Variants in SUGT1 observed in about 807,000 individuals in gnomAD.
The protein encoded by SUGT1 is protein SGT1 homolog.
A neutral mutation model predicts 56.1 loss-of-function variants in SUGT1; 15 were observed. The ratio of observed to expected loss-of-function variants is 0.27; its 90% CI spans 0.18 to 0.41. The LOEUF (loss-of-function observed/expected upper bound fraction) is 0.41, where lower values mean the gene tolerates loss of function less well. Ranked by LOEUF, SUGT1 falls within the 10% of genes least tolerant of loss-of-function variation. SUGT1 has a pLI of 1.00. For missense variants in SUGT1, 347 were observed against 382.2 expected (o/e 0.91, Z 0.77); for synonymous variants, 123 against 128.6 (o/e 0.96, Z 0.30).
intron 11 of SUGT1, among the ~76,000 whole-genome samples, chr13:52,679,700 C>T (rs1267982962): frequency 6.6e-6 from 1 of 152,116 alleles, no homozygotes; most frequent in Non-Finnish European, 1.5e-5. Flanking sequence ...TGCTTTTAAT[C>T]TAATTTTGTA....
At chr13:52,653,215 T>C in intron 2 of SUGT1, 112 bp downstream of exon 2, 1 of 1,289,042 alleles carries the variant, frequency 7.8e-7, no homozygotes, top group East Asian at 2.3e-5. Context: ...CAGGCTCTTG[T>C]TGATGCTGCG....
chr13:52,660,159 AC>A (rs1183800705), intron 5 of SUGT1, among the ~76,000 whole-genome samples: 1 of 152,090 alleles, frequency 6.6e-6, no homozygotes, highest in Non-Finnish European at 1.5e-5. Flanking sequence ...TCTGAAAAAT[AC>A]TAAGAGGTTG....
chr13:52,683,966 A>C (rs1963472432), intron 12 of SUGT1, among the ~76,000 whole-genome samples: 1 of 152,130 alleles, frequency 6.6e-6, no homozygotes, highest in African/African-American at 2.4e-5. Flanking sequence ...CTGCAGCCTC[A>C]ACTTCCCAGG....
intron 12 of SUGT1, chr13:52,687,378 A>AT (rs35928701): frequency 0.55 from 84,696 of 153,186 alleles, 23,709 homozygotes; most frequent in East Asian, 0.75. Flanking sequence ...TATAATAATC[A>AT]TTTTTTTTGG....
intron 2 of SUGT1, among the ~76,000 whole-genome samples, chr13:52,653,645 A>G (rs1186556964): frequency 4.6e-5 from 7 of 152,282 alleles, no homozygotes; most frequent in Middle Eastern, 3.4e-3. Flanking sequence ...GCTGTGGGTT[A>G]AAGTCTTGGT....
chr13:52,672,252 G>C (rs1962974668), intron 10 of SUGT1, among the ~76,000 whole-genome samples: 2 of 152,072 alleles, frequency 1.3e-5, no homozygotes, highest in Admixed American at 1.3e-4. Flanking sequence ...CTGATACATA[G>C]GTCAGTCACT....
In SUGT1 at chr13:52,697,404, G is replaced by A. The variant is rs1157138377; in HGVS notation, c.*9569G>A. On this transcript the variant is annotated 3_prime_UTR_variant, in exon 13 of 13. Transcript: ENST00000310528. ...TTCATACAAAATTATGAGCCCAAAT[G>A]TCTTGGGGAGAGTACAGGAGAGGCC... 1 of 152,232 alleles carries A rather than the reference G, an allele frequency of 6.6e-6. No individual in the cohort carries two copies. The highest frequency in any genetic ancestry group is 1.5e-5 in the Non-Finnish European group (1 of 68,060). The allele number at this position is 152,232 out of a possible 1,614,324, so 9.4% of individuals were successfully genotyped here.
Position 52,687,896 on chromosome 13 carries a change from A to G in SUGT1, c.*61A>G. On this transcript the variant is annotated 3_prime_UTR_variant, in exon 13 of 13. Coordinates refer to ENST00000310528, the MANE Select transcript of SUGT1 (RefSeq NM_006704.5). ...CACCTAATGCCCATTGTGTATTGAT[A>G]TTGCATTCTTGAATTTTGAACACTG... The G allele has an allele frequency of 9.2e-7, 1 of 1,086,386 alleles. No homozygotes were observed. Among genetic ancestry groups the G allele is most frequent in the South Asian group, 1.9e-5 (1 of 53,812 alleles). 67.3% of individuals were successfully genotyped at this position (1,086,386 alleles called of 1,614,324 possible). A position where few individuals can be genotyped will look rare whatever the true frequency, so the allele number is the denominator to read the frequency against.
Position 52,659,175 on chromosome 13 carries a change from G to A in SUGT1, c.258-4G>A. The A allele has an allele frequency of 1.7e-5, 25 of 1,510,370 alleles. No individual in the cohort carries two copies. Among genetic ancestry groups the A allele is most frequent in the Non-Finnish European group, 2.2e-5 (25 of 1,136,028 alleles). The allele number at this position is 1,510,370 out of a possible 1,614,324, so 93.6% of individuals were successfully genotyped here. A position where few individuals can be genotyped will look rare whatever the true frequency, so the allele number is the denominator to read the frequency against. ...CTTAATTTGTTTTAAATATATTCATGCAGAATATGTGAATACCATGAAAAA... is the reference window on the plus strand; with the variant it reads ...CTTAATTTGTTTTAAATATATTCATACAGAATATGTGAATACCATGAAAAA... On this transcript the variant is annotated splice_region_variant and splice_polypyrimidine_tract_variant and intron_variant, in intron 4 of 12. Coordinates refer to ENST00000310528, the MANE Select transcript of SUGT1 (RefSeq NM_006704.5).
rs1964038271 is a variant in SUGT1 at position 52,700,011 on chromosome 13, GT to G, written c.*12179del. ...TCTAAGAATTTGGTGTGAAAAGAAT[GT>G]TTGCAAAGGAGCAGGCACAAAGGTG... On this transcript the variant is annotated 3_prime_UTR_variant, in exon 13 of 13. Coordinates refer to ENST00000310528, the MANE Select transcript of SUGT1 (RefSeq NM_006704.5). 1 of 152,168 alleles carries G rather than the reference GT, an allele frequency of 6.6e-6. No homozygotes were observed. Among genetic ancestry groups the G allele is most frequent in the Admixed American group, 6.5e-5 (1 of 15,270 alleles). 9.4% of individuals were successfully genotyped at this position (152,168 alleles called of 1,614,324 possible). A position where few individuals can be genotyped will look rare whatever the true frequency, so the allele number is the denominator to read the frequency against.
At chr13:52,659,829 T>A (rs1352557161) in intron 5 of SUGT1, among the ~76,000 whole-genome samples, 14,608 of 62,472 alleles carry the variant, frequency 0.23, 1,070 homozygotes, top group East Asian at 0.5. Flanking sequence ...TTTTTTTTTT[T>A]TTTTTTTTTT....
chr13:52,660,031 A>G (rs984253056), intron 5 of SUGT1, among the ~76,000 whole-genome samples: 6 of 151,130 alleles, frequency 4.0e-5, no homozygotes, highest in African/African-American at 1.5e-4. Context: ...GGGTTTCACC[A>G]TGTTAGCCAG....
intron 5 of SUGT1, 111 bp from the exon 6 acceptor site, chr13:52,662,538 G>A (rs1451200597): frequency 1.2e-5 from 12 of 1,002,600 alleles, no homozygotes; most frequent in Admixed American, 6.2e-5. Flanking sequence ...GTTCGCTGCC[G>A]ACTCCCCAGT....
At chr13:52,673,566 T>C (rs988573003) in intron 10 of SUGT1, among the ~76,000 whole-genome samples, 1 of 152,264 alleles carries the variant, frequency 6.6e-6, no homozygotes, top group Non-Finnish European at 1.5e-5. Context: ...AAGTCCTCTT[T>C]GTTCATACTG....
Position 52,690,445 on chromosome 13 carries a change from A to AG in SUGT1, c.*2611dup, listed in dbSNP as rs1280095457. 1 of 152,052 alleles carries AG rather than the reference A, an allele frequency of 6.6e-6. No individual in the cohort carries two copies. The highest frequency in any genetic ancestry group is 2.4e-5 in the African/African-American group (1 of 41,372). The allele number at this position is 152,052 out of a possible 1,614,324, so 9.4% of individuals were successfully genotyped here. A position where few individuals can be genotyped will look rare whatever the true frequency, so the allele number is the denominator to read the frequency against. ...AGTATTAGTAGCCTTTTGTTTCTTCAGAATGTATGTATTTTTCCTCTTAAA... is the reference window on the plus strand; with the variant it reads ...AGTATTAGTAGCCTTTTGTTTCTTCAGGAATGTATGTATTTTTCCTCTTAAA... On this transcript the variant is annotated 3_prime_UTR_variant, in exon 13 of 13. Coordinates refer to ENST00000310528, the MANE Select transcript of SUGT1 (RefSeq NM_006704.5).
rs567598619 is a variant in SUGT1 at position 52,671,637 on chromosome 13, G to GAT, written c.628-4591_628-4590dup. Among the ~76,000 whole-genome samples the GAT allele has an allele frequency of 4.8e-3, 732 of 152,246 alleles. 3 individuals are homozygous for GAT. Among genetic ancestry groups the GAT allele is most frequent in the Non-Finnish European group, 7.8e-3 (530 of 68,004 alleles). The stretch of plus-strand genomic sequence containing the variant: ...CCCAGGTTTTTTAGCTGAGGATATT[G>GAT]ATAATAGCATTCTGTTGTTATTTGC... On this transcript the variant is annotated intron_variant, in intron 10 of 12. Coordinates refer to ENST00000310528, the MANE Select transcript of SUGT1 (RefSeq NM_006704.5).
At chr13:52,654,089 A>C (rs1367487227) in intron 2 of SUGT1, among the ~76,000 whole-genome samples, 2 of 152,258 alleles carry the variant, frequency 1.3e-5, no homozygotes, top group African/African-American at 4.8e-5. Flanking sequence ...GTGAAGCAAC[A>C]AAAAGGCCCT....
chr13:52,662,641 C>G lies in SUGT1; in HGVS notation c.329-8C>G. On this transcript the variant is annotated splice_polypyrimidine_tract_variant and splice_region_variant and intron_variant, in intron 5 of 12. Coordinates refer to ENST00000310528, the MANE Select transcript of SUGT1 (RefSeq NM_006704.5). ...TGAGTGATGTTATAGTCAGTTTTTT[C>G]TTTCTAGGTGCAGATGCTAATTTCA... is the stretch of plus-strand genomic sequence containing the variant. 6.2e-7 allele frequency: 1 copy of G among 1,613,512 alleles called. No individual in the cohort carries two copies. Among genetic ancestry groups the G allele is most frequent in the African/African-American group, 1.3e-5 (1 of 74,992 alleles).
At chr13:52,687,677 ATATTCTATTTTGATT>A (rs1963648523) in intron 12 of SUGT1, 42 bp from the exon 13 acceptor site, 1 of 1,387,346 alleles carries the variant, frequency 7.2e-7, no homozygotes, top group Non-Finnish European at 9.7e-7. Flanking sequence ...TTTAAGAAAA[ATATTCTATTTTGATT>A]ATATGGTCCA....
Sources: gnomAD v4.1 joint callset for allele counts (sites outside exome capture counted in the v4.1 genomes callset) on GRCh38, gnomAD v4.1.1 for gene constraint, MANE v1.5 for transcripts, NCBI Gene and HGNC (gene_info 2026-07-23, HGNC 2026-07-21) for gene names.